B3GALT6: variants seen among roughly 807,000 people sequenced by gnomAD.
B3GALT6 encodes GAG GalTII.
In B3GALT6, 27 loss-of-function variants were observed where a neutral mutation model predicts 23.3. That is an observed-to-expected ratio of 1.16 (90% CI 0.85 to 1.60). The LOEUF is 1.60. Ranked by LOEUF, B3GALT6 falls within the 40% of genes most tolerant of loss-of-function variation. B3GALT6 has a pLI of 0.00. For synonymous variants in B3GALT6, 313 were observed against 232.3 expected, an observed-to-expected ratio of 1.35 and a Z score of -3.16; for missense variants, 554 against 471.1, an observed-to-expected ratio of 1.18 and a Z score of -1.63.
In B3GALT6 at chr1:1,233,753, T is replaced by A. The variant is rs1430788818; in HGVS notation, c.*485T>A. The A allele has an allele frequency of 5.9e-6, 1 of 169,688 alleles. No homozygotes were observed. The highest frequency in any genetic ancestry group is 2.4e-5 in the African/African-American group (1 of 41,564). 10.5% of individuals were successfully genotyped at this position (169,688 alleles called of 1,614,324 possible). A position where few individuals can be genotyped will look rare whatever the true frequency, so the allele number is the denominator to read the frequency against. On this transcript the variant is annotated 3_prime_UTR_variant, in exon 1 of 1. Transcript: ENST00000379198. ...AAGTTGGCAGTGCGCACGTCTCGGT[T>A]TTTTTACATGATTTAAGGAAAGACT...
chr1:1,234,825 A>G lies in B3GALT6; in HGVS notation c.*1557A>G, dbSNP rs1638620466. The G allele has an allele frequency of 6.0e-6, 1 of 166,764 alleles. No individual in the cohort carries two copies. Among genetic ancestry groups the G allele is most frequent in the African/African-American group, 2.4e-5 (1 of 41,390 alleles). 10.3% of individuals were successfully genotyped at this position (166,764 alleles called of 1,614,324 possible). A position where few individuals can be genotyped will look rare whatever the true frequency, so the allele number is the denominator to read the frequency against. ...GCTGAGAACCCCATGGACAGTGGAG[A>G]GCGGGATTCGAACCAAGGGCTGGAC... On this transcript the variant is annotated 3_prime_UTR_variant, in exon 1 of 1. Coordinates refer to ENST00000379198, the MANE Select transcript of B3GALT6 (RefSeq NM_080605.4).
Position 1,232,778 on chromosome 1 carries a change from T to G in B3GALT6, c.500T>G (p.Leu167Arg). Residue 167 changes from leucine (L) to arginine (R), a missense_variant, in exon 1 of 1, where the codon CTG becomes CGG. By Grantham distance (102) the Leu-to-Arg change is moderately radical. Coordinates refer to ENST00000379198, the MANE Select transcript of B3GALT6 (RefSeq NM_080605.4). ...TCCTTCGCGCGGCTGGACGCGCTGC[T>G]GGCCGAGCTGCGCGCCCGCGAGCCC... ...DDSFARLDAL[L>R]AELRAREPAR... 1.4e-6 allele frequency: 2 copies of G among 1,384,954 alleles called. No homozygotes were observed. The highest frequency in any genetic ancestry group is 1.9e-6 in the Non-Finnish European group (2 of 1,072,460). The allele number at this position is 1,384,954 out of a possible 1,614,324, so 85.8% of individuals were successfully genotyped here.
In B3GALT6 at chr1:1,232,843, C is replaced by G; in HGVS notation, c.565C>G (p.Arg189Gly). Residue 189 changes from arginine to glycine, a missense_variant, in exon 1 of 1, where the codon CGC becomes GGC. Transcript: ENST00000379198. ...RRLYWGFFSG[R>G]GRVKPGGRWR... The stretch of plus-strand genomic sequence containing the variant: ...CCTCTACTGGGGCTTCTTCTCGGGC[C>G]GCGGCCGCGTCAAGCCGGGGGGGCG... 1 of 1,485,640 alleles carries G rather than the reference C, an allele frequency of 6.7e-7. No individual in the cohort carries two copies. Among genetic ancestry groups the G allele is most frequent in the Non-Finnish European group, 8.8e-7 (1 of 1,132,872 alleles). The allele number at this position is 1,485,640 out of a possible 1,614,324, so 92.0% of individuals were successfully genotyped here. A position where few individuals can be genotyped will look rare whatever the true frequency, so the allele number is the denominator to read the frequency against.
Position 1,232,330 on chromosome 1 carries a change from A to C in B3GALT6, c.52A>C (p.Thr18Pro). 1 of 982,310 alleles carries C rather than the reference A, an allele frequency of 1.0e-6. No individual in the cohort carries two copies. Among genetic ancestry groups the C allele is most frequent in the Non-Finnish European group, 1.2e-6 (1 of 830,322 alleles). The allele number at this position is 982,310 out of a possible 1,614,324, so 60.8% of individuals were successfully genotyped here. ...GCGGCGGGCGGCGCTAGGCCTGGGCACGCTGGCGCTGTGCGGGGCGGCGCT... is the reference window on the plus strand; with the variant it reads ...GCGGCGGGCGGCGCTAGGCCTGGGCCCGCTGGCGCTGTGCGGGGCGGCGCT... ...WRRRAALGLG[T>P]LALCGAALLY... is the part of the protein sequence containing the mutation. The change falls in exon 1 of 1, where the codon ACG becomes CCG. Residue 18 changes from threonine (T) to proline (P), a missense_variant. Transcript: ENST00000379198.
At position 1,232,815 on chromosome 1, in the gene B3GALT6, C is replaced by T; in HGVS notation, c.537C>T (p.Arg179=). The change falls in exon 1 of 1, where the codon CGC becomes CGT. Residue 179 remains arginine, a synonymous_variant. Transcript: ENST00000379198. ...ELRAREPARR[R]RLYWGFFSGR... ...GCGCCCGCGAGCCCGCGCGCCGCCG[C>T]CGCCTCTACTGGGGCTTCTTCTCGG... 1 of 1,368,810 alleles carries T rather than the reference C, an allele frequency of 7.3e-7. No individual in the cohort carries two copies. Among genetic ancestry groups the T allele is most frequent in the Non-Finnish European group, 9.4e-7 (1 of 1,069,226 alleles). The allele number at this position is 1,368,810 out of a possible 1,614,324, so 84.8% of individuals were successfully genotyped here.
chr1:1,232,981 C>G lies in B3GALT6; in HGVS notation c.703C>G (p.Leu235Val). The stretch of plus-strand genomic sequence containing the variant: ...CTACCTGCGCCTCAGCCGCGACTAC[C>G]TGCGCGCCTGGCACAGCGAGGACGT... ...VHYLRLSRDY[L>V]RAWHSEDVSL... Residue 235 changes from leucine (L) to valine (V), a missense_variant, in exon 1 of 1, where the codon CTG (leucine) becomes GTG (valine). Leu to Val is a conservative substitution (Grantham distance 32). Transcript: ENST00000379198. 2 of 1,563,886 alleles carry G rather than the reference C, an allele frequency of 1.3e-6. No individual in the cohort carries two copies. Among genetic ancestry groups the G allele is most frequent in the African/African-American group, 1.4e-5 (1 of 74,014 alleles).
At position 1,232,821 on chromosome 1, in the gene B3GALT6, C is replaced by A; in HGVS notation, c.543C>A (p.Leu181=). 2.1e-6 allele frequency: 3 copies of A among 1,431,144 alleles called. No individual in the cohort carries two copies. Among genetic ancestry groups the A allele is most frequent in the Non-Finnish European group, 2.7e-6 (3 of 1,106,844 alleles). The allele number at this position is 1,431,144 out of a possible 1,614,324, so 88.7% of individuals were successfully genotyped here. The part of the protein sequence containing the change: ...RAREPARRRR[L]YWGFFSGRGR... ...GCGAGCCCGCGCGCCGCCGCCGCCT[C>A]TACTGGGGCTTCTTCTCGGGCCGCG... The change falls in exon 1 of 1, where the codon CTC becomes CTA. Residue 181 remains leucine, a synonymous_variant. Coordinates refer to ENST00000379198, the MANE Select transcript of B3GALT6 (RefSeq NM_080605.4).
Position 1,232,780 on chromosome 1 carries a change from G to A in B3GALT6, c.502G>A (p.Ala168Thr), listed in dbSNP as rs1241974585. 2.2e-6 allele frequency: 3 copies of A among 1,381,500 alleles called. No individual in the cohort carries two copies. The highest frequency in any genetic ancestry group is 2.9e-5 in the East Asian group (1 of 33,962). 85.6% of individuals were successfully genotyped at this position (1,381,500 alleles called of 1,614,324 possible). The part of the protein sequence containing the change: ...DSFARLDALL[A>T]ELRAREPARR... ...CTTCGCGCGGCTGGACGCGCTGCTG[G>A]CCGAGCTGCGCGCCCGCGAGCCCGC... Residue 168 changes from alanine (A) to threonine (T), a missense_variant, in exon 1 of 1, where the codon GCC (alanine) becomes ACC (threonine). By Grantham distance (58) the Ala-to-Thr change is moderately conservative. Coordinates refer to ENST00000379198, the MANE Select transcript of B3GALT6 (RefSeq NM_080605.4).
Position 1,233,798 on chromosome 1 carries a change from C to G in B3GALT6, c.*530C>G, listed in dbSNP as rs938176908. 2.4e-5 allele frequency: 4 copies of G among 167,274 alleles called. No homozygotes were observed. The highest frequency in any genetic ancestry group is 4.8e-5 in the African/African-American group (2 of 41,450). 10.4% of individuals were successfully genotyped at this position (167,274 alleles called of 1,614,324 possible). On this transcript the variant is annotated 3_prime_UTR_variant, in exon 1 of 1. Coordinates refer to ENST00000379198, the MANE Select transcript of B3GALT6 (RefSeq NM_080605.4). ...AAGACTTTTATGTCAGAACTTGGTG[C>G]CTGTACCGTCAACCCCGCTGCTGCC...
Position 1,232,707 on chromosome 1 carries a change from G to T in B3GALT6, c.429G>T (p.Leu143=). 1 of 1,425,808 alleles carries T rather than the reference G, an allele frequency of 7.0e-7. No individual in the cohort carries two copies. The highest frequency in any genetic ancestry group is 1.4e-5 in the South Asian group (1 of 69,698). The allele number at this position is 1,425,808 out of a possible 1,614,324, so 88.3% of individuals were successfully genotyped here. ...AGGTGCTGGCCATGCTGGCCTGGCT[G>T]GACGAGCACGTGGCCTTCGAGTTCG... ...TAKVLAMLAW[L]DEHVAFEFVL... The change falls in exon 1 of 1, where the codon CTG becomes CTT. Residue 143 remains leucine (L), a synonymous_variant. Transcript: ENST00000379198.
rs1638551074 is a variant in B3GALT6, at chr1:1,232,683, G to C, written c.405G>C (p.Lys135Asn). ...ACGCCTACGAAAACCTCACGGCCAAGGTGCTGGCCATGCTGGCCTGGCTGG... is the reference window on the plus strand; with the variant it reads ...ACGCCTACGAAAACCTCACGGCCAACGTGCTGGCCATGCTGGCCTGGCTGG... ...LRDAYENLTA[K>N]VLAMLAWLDE... Residue 135 changes from lysine (K) to asparagine (N), a missense_variant, in exon 1 of 1, where the codon AAG (lysine) becomes AAC (asparagine). By Grantham distance (94) the Lys-to-Asn change is moderately conservative. Transcript: ENST00000379198. 2 of 1,376,008 alleles carry C rather than the reference G, an allele frequency of 1.5e-6. No homozygotes were observed. The highest frequency in any genetic ancestry group is 1.9e-6 in the Non-Finnish European group (2 of 1,061,172). 85.2% of individuals were successfully genotyped at this position (1,376,008 alleles called of 1,614,324 possible).
rs773712107 is a variant in B3GALT6 at position 1,232,826 on chromosome 1, G to C, written c.548G>C (p.Trp183Ser). ...REPARRRRLY[W>S]GFFSGRGRVK... ...CCCGCGCGCCGCCGCCGCCTCTACT[G>C]GGGCTTCTTCTCGGGCCGCGGCCGC... The change falls in exon 1 of 1, where the codon TGG becomes TCG. Residue 183 changes from tryptophan to serine, a missense_variant. Trp to Ser is a radical substitution (Grantham distance 177). Transcript: ENST00000379198. The C allele has an allele frequency of 6.9e-7, 1 of 1,440,576 alleles. No homozygotes were observed. The highest frequency in any genetic ancestry group is 1.5e-5 in the South Asian group (1 of 68,726). The allele number at this position is 1,440,576 out of a possible 1,614,324, so 89.2% of individuals were successfully genotyped here.
At position 1,232,548 on chromosome 1, in the gene B3GALT6, G is replaced by C; in HGVS notation, c.270G>C (p.Val90=). The change falls in exon 1 of 1, where the codon GTG becomes GTC. Residue 90 remains valine, a synonymous_variant. Coordinates refer to ENST00000379198, the MANE Select transcript of B3GALT6 (RefSeq NM_080605.4). The stretch of plus-strand genomic sequence containing the variant: ...CGCGGCGCGGGGCCCCGGGCGACGT[G>C]TGGGCGCGCTTTGCCGTGGGCACGG... ...WLARRGAPGD[V]WARFAVGTAG... 8.6e-7 allele frequency: 1 copy of C among 1,169,490 alleles called. No homozygotes were observed. Among genetic ancestry groups the C allele is most frequent in the Non-Finnish European group, 1.1e-6 (1 of 948,448 alleles). The allele number at this position is 1,169,490 out of a possible 1,614,324, so 72.4% of individuals were successfully genotyped here. A position where few individuals can be genotyped will look rare whatever the true frequency, so the allele number is the denominator to read the frequency against.
At position 1,234,632 on chromosome 1, in the gene B3GALT6, A is replaced by G. The variant is rs528705193; in HGVS notation, c.*1364A>G. On this transcript the variant is annotated 3_prime_UTR_variant, in exon 1 of 1. Coordinates refer to ENST00000379198, the MANE Select transcript of B3GALT6 (RefSeq NM_080605.4). ...ATCGAGGGCTGGGGACCCCGGTGTG[A>G]GCAGGATGGGGCCCTGCCCTCCCGT... The G allele has an allele frequency of 6.0e-6, 1 of 166,994 alleles. No individual in the cohort carries two copies. The highest frequency in any genetic ancestry group is 2.4e-5 in the African/African-American group (1 of 41,550). 10.3% of individuals were successfully genotyped at this position (166,994 alleles called of 1,614,324 possible). A position where few individuals can be genotyped will look rare whatever the true frequency, so the allele number is the denominator to read the frequency against.
At position 1,232,365 on chromosome 1, in the gene B3GALT6, G is replaced by A. The variant is rs1215634428; in HGVS notation, c.87G>A (p.Leu29=). The change falls in exon 1 of 1, where the codon CTG becomes CTA. Residue 29 remains leucine (L), a synonymous_variant. Coordinates refer to ENST00000379198, the MANE Select transcript of B3GALT6 (RefSeq NM_080605.4). The stretch of plus-strand genomic sequence containing the variant: ...TGTGCGGGGCGGCGCTGCTCTACCT[G>A]GCGCGCTGCGCGGCCGAGCCCGGGG... ...LALCGAALLY[L]ARCAAEPGDP... 12 of 986,038 alleles carry A rather than the reference G, an allele frequency of 1.2e-5. No individual in the cohort carries two copies. Among genetic ancestry groups the A allele is most frequent in the Non-Finnish European group, 1.4e-5 (12 of 831,826 alleles). 61.1% of individuals were successfully genotyped at this position (986,038 alleles called of 1,614,324 possible).
In B3GALT6 at chr1:1,232,367, C is replaced by T. The variant is rs1341706013; in HGVS notation, c.89C>T (p.Ala30Val). Reference sequence around the variant, plus strand: ...TGCGGGGCGGCGCTGCTCTACCTGGCGCGCTGCGCGGCCGAGCCCGGGGAC... The same window carrying T: ...TGCGGGGCGGCGCTGCTCTACCTGGTGCGCTGCGCGGCCGAGCCCGGGGAC... Reference protein sequence around the residue: ...ALCGAALLYLARCAAEPGDPR... With the variant: ...ALCGAALLYLVRCAAEPGDPR... The change falls in exon 1 of 1, where the codon GCG (alanine) becomes GTG (valine). Residue 30 changes from alanine (A) to valine (V), a missense_variant. By Grantham distance (64) the Ala-to-Val change is moderately conservative. Transcript: ENST00000379198. The T allele has an allele frequency of 1.0e-6, 1 of 986,150 alleles. No individual in the cohort carries two copies. Among genetic ancestry groups the T allele is most frequent in the Non-Finnish European group, 1.2e-6 (1 of 831,830 alleles). The allele number at this position is 986,150 out of a possible 1,614,324, so 61.1% of individuals were successfully genotyped here.
chr1:1,232,926 C>CG lies in B3GALT6; in HGVS notation c.650dup (p.Tyr218LeufsTer225). 6.4e-7 allele frequency: 1 copy of CG among 1,563,284 alleles called. No individual in the cohort carries two copies. The highest frequency in any genetic ancestry group is 8.6e-7 in the Non-Finnish European group (1 of 1,163,360). Reference sequence around the variant, plus strand: ...ACTACCTGCCCTACGCGCTGGGCGGCGGCTACGTGCTCTCGGCCGACCTGG... The same window carrying CG: ...ACTACCTGCCCTACGCGCTGGGCGGCGGGCTACGTGCTCTCGGCCGACCTGG... On this transcript the variant is annotated frameshift_variant, in exon 1 of 1. Transcript: ENST00000379198. LOFTEE classifies it high-confidence loss of function.
rs1358204321 is a variant in B3GALT6 at position 1,235,009 on chromosome 1, A to T, written c.*1741A>T. The T allele has an allele frequency of 6.0e-6, 1 of 166,866 alleles. No homozygotes were observed. Among genetic ancestry groups the T allele is most frequent in the African/African-American group, 2.4e-5 (1 of 41,466 alleles). The allele number at this position is 166,866 out of a possible 1,614,324, so 10.3% of individuals were successfully genotyped here. On this transcript the variant is annotated 3_prime_UTR_variant, in exon 1 of 1. Coordinates refer to ENST00000379198, the MANE Select transcript of B3GALT6 (RefSeq NM_080605.4). ...AAAAAATGGAAATTTAGTGTTTTTC[A>T]GCCTAAGACATTAAATTTCATATCA...
At position 1,233,092 on chromosome 1, in the gene B3GALT6, A is replaced by G; in HGVS notation, c.814A>G (p.Ser272Gly). 6.4e-7 allele frequency: 1 copy of G among 1,561,862 alleles called. No individual in the cohort carries two copies. Among genetic ancestry groups the G allele is most frequent in the Non-Finnish European group, 8.6e-7 (1 of 1,158,100 alleles). ...FDTEYRSRGC[S>G]NQYLVTHKQS... ...CACCGAATACCGGTCCCGCGGCTGCAGCAACCAGTACCTGGTGACGCACAA... is the reference window on the plus strand; with the variant it reads ...CACCGAATACCGGTCCCGCGGCTGCGGCAACCAGTACCTGGTGACGCACAA... Residue 272 changes from serine (S) to glycine (G), a missense_variant, in exon 1 of 1, where the codon AGC becomes GGC. By Grantham distance (56) the Ser-to-Gly change is moderately conservative. Coordinates refer to ENST00000379198, the MANE Select transcript of B3GALT6 (RefSeq NM_080605.4).
Sources: allele counts gnomAD v4.1 joint callset, GRCh38; gene constraint gnomAD v4.1.1; transcripts MANE v1.5; gene names NCBI Gene and HGNC (gene_info 2026-07-23, HGNC 2026-07-21).